SPOCK1: variants seen among roughly 807,000 people sequenced by gnomAD.
SPOCK1 encodes the protein SPARC (osteonectin), cwcv and kazal like domains proteoglycan 1.
Under a neutral mutation model 55.3 loss-of-function variants are expected in SPOCK1, and 23 were observed. That is an observed-to-expected ratio of 0.42 (90% CI 0.30 to 0.59). SPOCK1 has a LOEUF of 0.59. Among genes scored for constraint, SPOCK1 ranks in the 20% least tolerant of loss-of-function variants. The pLI is 0.22. For missense variants in SPOCK1, 499 were observed against 552.5 expected, an observed-to-expected ratio of 0.90 and a Z score of 0.97; for synonymous variants, 226 against 221.0, an observed-to-expected ratio of 1.02 and a Z score of -0.20.
chr5:137,259,524 G>A lies in SPOCK1; in HGVS notation c.232+7486C>T, dbSNP rs187759387. Among the ~76,000 whole-genome samples, 382 of 152,172 alleles carry A rather than the reference G, an allele frequency of 2.5e-3. 3 individuals are homozygous for A. The highest frequency in any genetic ancestry group is 4.5e-3 in the Admixed American group (69 of 15,278). ...AACTAGGGGAGGGATAGCATTAGGA[G>A]AAACACCTAATGTAGATGACGGGTT... On this transcript the variant is annotated intron_variant, in intron 3 of 10. Transcript: ENST00000394945.
chr5:137,396,271 C>T (rs1424225613), intron 2 of SPOCK1, among the ~76,000 whole-genome samples: 1 of 152,164 alleles, frequency 6.6e-6, no homozygotes, highest in Admixed American at 6.5e-5. Flanking sequence ...ACACCACCAG[C>T]AAGCATGACA....
chr5:137,192,232 CAAA>C (rs60401497), intron 3 of SPOCK1, among the ~76,000 whole-genome samples: 690 of 68,216 alleles, frequency 0.01, 3 homozygotes, highest in African/African-American at 0.035. Context: ...GACTCTGTCT[CAAA>C]AAAAAAAAAA....
intron 2 of SPOCK1, among the ~76,000 whole-genome samples, chr5:137,488,355 C>A (rs184626197): frequency 1.3e-5 from 2 of 151,956 alleles, no homozygotes; most frequent in East Asian, 3.9e-4. Flanking sequence ...CCAGCCTGGG[C>A]GACAGAGCAA....
chr5:137,433,420 C>A (rs969664635), intron 2 of SPOCK1, among the ~76,000 whole-genome samples: 2 of 152,156 alleles, frequency 1.3e-5, no homozygotes, highest in African/African-American at 4.8e-5. Flanking sequence ...ATCCACAGCA[C>A]CTAGGACTCT....
intron 2 of SPOCK1, among the ~76,000 whole-genome samples, chr5:137,343,256 G>A (rs985307190): frequency 2.0e-5 from 3 of 152,178 alleles, no homozygotes; most frequent in Admixed American, 1.3e-4. Context: ...TTCAGGAGGG[G>A]ACAATGAGTT....
At chr5:137,316,637 T>G (rs1182142518) in intron 2 of SPOCK1, among the ~76,000 whole-genome samples, 2 of 152,176 alleles carry the variant, frequency 1.3e-5, no homozygotes, top group Non-Finnish European at 2.9e-5. Flanking sequence ...GCCTTTACTC[T>G]TAAATCCCTG....
chr5:137,035,474 C>G (rs536399289), intron 6 of SPOCK1, among the ~76,000 whole-genome samples: 1 of 152,174 alleles, frequency 6.6e-6, no homozygotes, highest in African/African-American at 2.4e-5. Flanking sequence ...GACGGCAAAG[C>G]TGGAAGAGGG....
intron 3 of SPOCK1, among the ~76,000 whole-genome samples, chr5:137,151,096 T>G (rs17171035): frequency 0.18 from 27,791 of 152,204 alleles, 3,309 homozygotes; most frequent in East Asian, 0.39. Context: ...TGAATCTCCC[T>G]GCAGCATCTA....
At chr5:137,356,838 T>TATATGGAGAGAG (rs1554077335) in intron 2 of SPOCK1, among the ~76,000 whole-genome samples, 2 of 5,454 alleles carry the variant, frequency 3.7e-4, no homozygotes, top group Admixed American at 2.8e-3. Flanking sequence ...TATATATATA[T>TATATGGAGAGAG]AGAGAGAGAG....
chr5:137,178,084 CT>C (rs1307357357), intron 3 of SPOCK1, among the ~76,000 whole-genome samples: 8 of 152,184 alleles, frequency 5.3e-5, no homozygotes, highest in Non-Finnish European at 1.2e-4. Context: ...AATTTCACCC[CT>C]AGCCCATCTC....
intron 3 of SPOCK1, among the ~76,000 whole-genome samples, chr5:137,141,633 C>T (rs1445504513): frequency 6.6e-6 from 1 of 152,144 alleles, no homozygotes; most frequent in Non-Finnish European, 1.5e-5. Context: ...AAATGGAGAT[C>T]AATTTCTAGG....
At chr5:137,278,122 T>C (rs1757104368) in intron 2 of SPOCK1, among the ~76,000 whole-genome samples, 1 of 152,194 alleles carries the variant, frequency 6.6e-6, no homozygotes, top group African/African-American at 2.4e-5. Flanking sequence ...AGCCCTGCCA[T>C]TCAGCAGCTT....
Position 136,988,448 on chromosome 5 carries a change from C to T in SPOCK1, c.902G>A (p.Trp301Ter). The T allele has an allele frequency of 6.2e-7, 1 of 1,614,108 alleles. No homozygotes were observed. Among genetic ancestry groups the T allele is most frequent in the East Asian group, 2.2e-5 (1 of 44,874 alleles). The change falls in exon 8 of 11, where the codon TGG becomes TAG. Residue 301 changes from tryptophan (W) to a stop codon, truncating the protein, a stop_gained. Transcript: ENST00000394945. LOFTEE classifies it high-confidence loss of function. ...FKDGKLSNNE[W>*]CYCFQKPGGL... ...TCCAGGCTTCTGGAAGCAGTAGCACCACTCATTGTTAGAAAGCTTGCCATC... is the reference window on the plus strand; with the variant it reads ...TCCAGGCTTCTGGAAGCAGTAGCACTACTCATTGTTAGAAAGCTTGCCATC...
chr5:136,986,414 C>T (rs1750843011), intron 8 of SPOCK1, among the ~76,000 whole-genome samples: 2 of 152,056 alleles, frequency 1.3e-5, no homozygotes, highest in South Asian at 4.1e-4. Context: ...TATCACTAGT[C>T]TTAATGCTGA....
chr5:137,207,578 C>T (rs2127079711), intron 3 of SPOCK1, among the ~76,000 whole-genome samples: 1 of 152,252 alleles, frequency 6.6e-6, no homozygotes, highest in South Asian at 2.1e-4. Flanking sequence ...TAAATGGAGA[C>T]ACCACTGTGG....
In SPOCK1 at chr5:136,988,450, C is replaced by T. The variant is rs758357914; in HGVS notation, c.900G>A (p.Glu300=). 1.9e-6 allele frequency: 3 copies of T among 1,614,012 alleles called. No individual in the cohort carries two copies. Among genetic ancestry groups the T allele is most frequent in the African/African-American group, 1.3e-5 (1 of 74,916 alleles). ...CAGGCTTCTGGAAGCAGTAGCACCA[C>T]TCATTGTTAGAAAGCTTGCCATCCT... ...SFKDGKLSNN[E]WCYCFQKPGG... is the part of the protein sequence containing the mutation. Residue 300 remains glutamate, a synonymous_variant, in exon 8 of 11, where the codon GAG becomes GAA. Coordinates refer to ENST00000394945, the MANE Select transcript of SPOCK1 (RefSeq NM_004598.4).
Position 137,443,884 on chromosome 5 carries a change from G to A in SPOCK1, c.186+54489C>T, listed in dbSNP as rs144416147. Among the ~76,000 whole-genome samples the A allele has an allele frequency of 7.6e-3, 1,151 of 152,206 alleles. 9 individuals carry two copies. The highest frequency in any genetic ancestry group is 0.02 in the Middle Eastern group (6 of 294). On this transcript the variant is annotated intron_variant, in intron 2 of 10. Transcript: ENST00000394945. ...ACTTGAAATCTCACCCTGTCCCTTC[G>A]TTGTTTAAAATCCTTCAGTAGGTCC...
At chr5:137,255,534 T>G (rs1390121030) in intron 3 of SPOCK1, among the ~76,000 whole-genome samples, 1 of 152,222 alleles carries the variant, frequency 6.6e-6, no homozygotes, top group Admixed American at 6.5e-5. Context: ...CAAGTTGTTT[T>G]TTGGTGAATG....
At chr5:137,135,701 T>C (rs917527304) in intron 4 of SPOCK1, among the ~76,000 whole-genome samples, 4 of 152,266 alleles carry the variant, frequency 2.6e-5, no homozygotes, top group African/African-American at 9.6e-5. Context: ...GTCTGTATTC[T>C]CTACAATTTC....
Sources: gnomAD v4.1 joint callset for allele counts (sites outside exome capture counted in the v4.1 genomes callset) on GRCh38, gnomAD v4.1.1 for gene constraint, MANE v1.5 for transcripts, NCBI Gene and HGNC (gene_info 2026-07-23, HGNC 2026-07-21) for gene names.